Variants in RBM20 observed in about 807,000 individuals in gnomAD.
The protein encoded by RBM20 is RNA binding motif protein 20.
RBM20 carries 51 observed loss-of-function variants against 110.1 expected under a neutral mutation model. The ratio of observed to expected loss-of-function variants is 0.46; its 90% confidence interval spans 0.37 to 0.59. The LOEUF (loss-of-function observed/expected upper bound fraction) is 0.59. Ranked by LOEUF, RBM20 falls within the 20% of genes least tolerant of loss-of-function variation. The probability of loss-of-function intolerance (pLI) is 0.00; values close to 1 mark genes in which losing one functional copy is unlikely to be tolerated. For synonymous variants in RBM20, 589 were observed against 618.2 expected (o/e 0.95, Z 0.70); for missense variants, 1,512 against 1,574.9 (o/e 0.96, Z 0.68).
chr10:110,711,032 C>G (rs1862918157), intron 1 of RBM20, among the ~76,000 whole-genome samples: 1 of 151,880 alleles, frequency 6.6e-6, no homozygotes, highest in African/African-American at 2.4e-5. Context: ...GTCCCCCAGC[C>G]CAAGACCATG....
chr10:110,829,867 A>G (rs969597531), intron 12 of RBM20, among the ~76,000 whole-genome samples: 1 of 152,108 alleles, frequency 6.6e-6, no homozygotes, highest in African/African-American at 2.4e-5. Context: ...TCTACCCAGG[A>G]TGGCCAGACC....
chr10:110,820,580 C>T (rs1454519117), intron 10 of RBM20, among the ~76,000 whole-genome samples: 2 of 152,214 alleles, frequency 1.3e-5, no homozygotes, highest in Non-Finnish European at 2.9e-5. Context: ...ATTAACAAGC[C>T]ATCTACTGTG....
intron 11 of RBM20, 94 bp downstream of exon 11, chr10:110,822,029 A>G (rs1844921159): frequency 1.6e-6 from 2 of 1,266,552 alleles, no homozygotes; most frequent in Non-Finnish European, 1.1e-6. Flanking sequence ...AATGAACATA[A>G]GTAAGGTTTC....
At chr10:110,798,003 T>C (rs545841012) in intron 6 of RBM20, among the ~76,000 whole-genome samples, 120 of 152,216 alleles carry the variant, frequency 7.9e-4, no homozygotes, top group Non-Finnish European at 1.6e-3. Context: ...TATAATCTTA[T>C]CCTCTAAGCC....
At chr10:110,832,904 G>A (rs1845075086) in intron 13 of RBM20, among the ~76,000 whole-genome samples, 1 of 152,164 alleles carries the variant, frequency 6.6e-6, no homozygotes, top group African/African-American at 2.4e-5. Context: ...GGCCTGACTT[G>A]GCCAGAGCAG....
At chr10:110,777,617 C>T (rs901413249) in intron 1 of RBM20, among the ~76,000 whole-genome samples, 12 of 152,168 alleles carry the variant, frequency 7.9e-5, no homozygotes, top group African/African-American at 1.2e-4. Flanking sequence ...AATGGGTTAA[C>T]GTCTGTAACC....
intron 1 of RBM20, among the ~76,000 whole-genome samples, chr10:110,752,937 ATATATATATTTT>A (rs1414927079): frequency 1.2e-5 from 1 of 80,464 alleles, no homozygotes; most frequent in East Asian, 2.8e-4. Context: ...ATATATATAT[ATATATATATTTT>A]TTTTTTTTTT....
intron 1 of RBM20, among the ~76,000 whole-genome samples, chr10:110,763,089 A>C (rs1844028870): frequency 6.6e-6 from 1 of 152,190 alleles, no homozygotes; most frequent in African/African-American, 2.4e-5. Flanking sequence ...CTGTGACTAA[A>C]TTAGGAAGAA....
At chr10:110,820,664 CA>C (rs561615397) in intron 10 of RBM20, among the ~76,000 whole-genome samples, 58 of 152,304 alleles carry the variant, frequency 3.8e-4, no homozygotes, top group African/African-American at 1.3e-3. Flanking sequence ...GCTGCCACAA[CA>C]AAAAGAAATA....
chr10:110,673,025 C>A (rs997557998), intron 1 of RBM20, among the ~76,000 whole-genome samples: 1 of 152,112 alleles, frequency 6.6e-6, no homozygotes, highest in Admixed American at 6.5e-5. Flanking sequence ...CCATATACAG[C>A]CACTCTACTT....
chr10:110,784,484 A>C, intron 4 of RBM20, 52 bp downstream of exon 4: 1 of 1,298,180 alleles, frequency 7.7e-7, no homozygotes, highest in South Asian at 1.3e-5. Flanking sequence ...GGCTACCCAC[A>C]GGCACATTAT....
At chr10:110,800,393 A>C (rs934867297) in intron 7 of RBM20, among the ~76,000 whole-genome samples, 1 of 152,214 alleles carries the variant, frequency 6.6e-6, no homozygotes, top group Non-Finnish European at 1.5e-5. Flanking sequence ...CCACTGTCAG[A>C]ACTCAGGGAT....
At chr10:110,735,741 T>C (rs1405438509) in intron 1 of RBM20, among the ~76,000 whole-genome samples, 1 of 152,262 alleles carries the variant, frequency 6.6e-6, no homozygotes, top group African/African-American at 2.4e-5. Flanking sequence ...CAAGGTTTTA[T>C]GCCTTCTAGT....
chr10:110,707,074 G>T (rs1362183217), intron 1 of RBM20, among the ~76,000 whole-genome samples: 1 of 152,172 alleles, frequency 6.6e-6, no homozygotes, highest in Admixed American at 6.5e-5. Context: ...GGGCTAAAGA[G>T]AATTCTTAAT....
Position 110,800,454 on chromosome 10 carries a change from G to A in RBM20, c.1800+536G>A, listed in dbSNP as rs1188445969. On this transcript the variant is annotated intron_variant, in intron 7 of 13. Transcript: ENST00000369519. ...TTTGCTTTTGTTTTAGCTGATCTACGTTTCTTTCTTTTCTTTCCTTCTTTT... is the reference window on the plus strand; with the variant it reads ...TTTGCTTTTGTTTTAGCTGATCTACATTTCTTTCTTTTCTTTCCTTCTTTT... Among the ~76,000 whole-genome samples the A allele has an allele frequency of 4.6e-5, 7 of 152,142 alleles. No homozygotes were observed. The East Asian group carries it at 1.2e-3, about 25-fold the overall frequency.
chr10:110,728,277 A>T (rs370858441), intron 1 of RBM20, among the ~76,000 whole-genome samples: 1 of 151,974 alleles, frequency 6.6e-6, no homozygotes, highest in Non-Finnish European at 1.5e-5. Context: ...CTCTCTGGAG[A>T]TTGAGTTGAT....
chr10:110,802,298 A>G (rs1042251422), intron 7 of RBM20, among the ~76,000 whole-genome samples: 9 of 151,960 alleles, frequency 5.9e-5, no homozygotes, highest in Middle Eastern at 3.4e-3. Context: ...TGTGTCAACC[A>G]GCTTCCAGAG....
At chr10:110,763,932 T>C (rs1293459878) in intron 1 of RBM20, among the ~76,000 whole-genome samples, 1 of 152,150 alleles carries the variant, frequency 6.6e-6, no homozygotes, top group Non-Finnish European at 1.5e-5. Context: ...CTCTGCCCAG[T>C]AGATGCCAGT....
At chr10:110,650,576 T>C (rs552579904) in intron 1 of RBM20, among the ~76,000 whole-genome samples, 1 of 152,126 alleles carries the variant, frequency 6.6e-6, no homozygotes, top group Non-Finnish European at 1.5e-5. Context: ...CCTTCTTTAA[T>C]GTGGTATTTG....
Sources: gnomAD v4.1 joint callset for allele counts (sites outside exome capture counted in the v4.1 genomes callset) on GRCh38, gnomAD v4.1.1 for gene constraint, MANE v1.5 for transcripts, NCBI Gene and HGNC (gene_info 2026-07-23, HGNC 2026-07-21) for gene names.